HPGDS: variants seen among roughly 807,000 people sequenced by gnomAD.
HPGDS encodes the protein GST class-sigma.
In HPGDS, 26 loss-of-function variants were observed where a neutral mutation model predicts 23.1. The ratio of observed to expected loss-of-function variants is 1.13; its 90% confidence interval spans 0.83 to 1.56. The LOEUF (loss-of-function observed/expected upper bound fraction) is 1.56, where lower values mean the gene tolerates loss of function less well. Among genes scored for constraint, HPGDS ranks in the 40% most tolerant of loss-of-function variants. The probability of loss-of-function intolerance (pLI) is 0.00; values close to 1 mark genes in which losing one functional copy is unlikely to be tolerated. For missense variants in HPGDS, 268 were observed against 236.4 expected, an observed-to-expected ratio of 1.13 and a Z score of -0.88; for synonymous variants, 95 against 77.9, an observed-to-expected ratio of 1.22 and a Z score of -1.16.
At chr4:94,338,253 G>A (rs567916046) in intron 1 of HPGDS, among the ~76,000 whole-genome samples, 7 of 152,004 alleles carry the variant, frequency 4.6e-5, no homozygotes, top group African/African-American at 1.2e-4. Flanking sequence ...GTGAAACCCC[G>A]TCTCTACAAA....
intron 2 of HPGDS, among the ~76,000 whole-genome samples, chr4:94,318,459 T>C (rs1276714273): frequency 6.6e-6 from 1 of 152,212 alleles, no homozygotes; most frequent in Non-Finnish European, 1.5e-5. Context: ...AAATTTTTTA[T>C]TTCTTATTTA....
chr4:94,337,261 G>T (rs1401250671), intron 1 of HPGDS, among the ~76,000 whole-genome samples: 2 of 152,086 alleles, frequency 1.3e-5, no homozygotes, highest in African/African-American at 4.8e-5. Flanking sequence ...GTGAGCCACT[G>T]TGCCCAGCCT....
At chr4:94,340,311 C>CTTTTTCTTTTTTTTTTTTTTTTT (rs1560598005) in intron 1 of HPGDS, among the ~76,000 whole-genome samples, 2 of 23,678 alleles carry the variant, frequency 8.4e-5, no homozygotes, top group African/African-American at 2.9e-4. Flanking sequence ...CTTTCTTTCT[C>CTTTTTCTTTTTTTTTTTTTTTTT]TTTTTTTTTT....
intron 4 of HPGDS, among the ~76,000 whole-genome samples, chr4:94,307,018 G>A (rs992370621): frequency 6.6e-6 from 1 of 152,084 alleles, no homozygotes; most frequent in Middle Eastern, 3.4e-3. Context: ...CTAAGGGCAC[G>A]TGTTTTGTAA....
At chr4:94,339,722 T>C (rs1306930629) in intron 1 of HPGDS, among the ~76,000 whole-genome samples, 1 of 152,142 alleles carries the variant, frequency 6.6e-6, no homozygotes, top group Non-Finnish European at 1.5e-5. Flanking sequence ...TATAGAATGC[T>C]TGTTATGGTT....
At chr4:94,309,635 G>A (rs1296115476) in intron 3 of HPGDS, among the ~76,000 whole-genome samples, 2 of 151,946 alleles carry the variant, frequency 1.3e-5, no homozygotes, top group African/African-American at 2.4e-5. Flanking sequence ...AATCCTTTGG[G>A]TATATACCCA....
At chr4:94,316,937 T>C (rs912121654) in intron 3 of HPGDS, among the ~76,000 whole-genome samples, 5 of 152,276 alleles carry the variant, frequency 3.3e-5, no homozygotes, top group Non-Finnish European at 4.4e-5. Flanking sequence ...TCATTTTCAC[T>C]TTAAAGCCTA....
At chr4:94,313,779 C>T (rs1409761424) in intron 3 of HPGDS, among the ~76,000 whole-genome samples, 1 of 152,202 alleles carries the variant, frequency 6.6e-6, no homozygotes, top group African/African-American at 2.4e-5. Context: ...GTACACCAAT[C>T]AGACGTAGAT....
intron 2 of HPGDS, among the ~76,000 whole-genome samples, chr4:94,326,822 T>TA (rs777559109): frequency 1.3e-5 from 2 of 152,196 alleles, no homozygotes; most frequent in Non-Finnish European, 2.9e-5. Context: ...TCTGGTATAG[T>TA]AGTCGCTCCT....
intron 2 of HPGDS, among the ~76,000 whole-genome samples, chr4:94,323,799 A>T (rs11944796): frequency 0.025 from 3,774 of 152,078 alleles, 106 homozygotes; most frequent in African/African-American, 0.075. Context: ...AATTTGATCC[A>T]GTCATTATAT....
chr4:94,300,750 A>G (rs1756023878), intron 5 of HPGDS, among the ~76,000 whole-genome samples: 1 of 152,100 alleles, frequency 6.6e-6, no homozygotes, highest in African/African-American at 2.4e-5. Flanking sequence ...AAGTCATGTG[A>G]TGGACTATGA....
chr4:94,317,307 G>C (rs891518588), intron 3 of HPGDS, among the ~76,000 whole-genome samples: 1 of 152,138 alleles, frequency 6.6e-6, no homozygotes, highest in Non-Finnish European at 1.5e-5. Context: ...AGTGTGTCAG[G>C]TAAAAACAAG....
intron 2 of HPGDS, among the ~76,000 whole-genome samples, chr4:94,320,197 T>C (rs182496071): frequency 9.8e-5 from 15 of 152,312 alleles, no homozygotes; most frequent in Non-Finnish European, 1.9e-4. Context: ...GTCTTTACTA[T>C]TGTTAATAGT....
chr4:94,337,909 C>A (rs991360983), intron 1 of HPGDS, among the ~76,000 whole-genome samples: 7 of 152,148 alleles, frequency 4.6e-5, no homozygotes, highest in African/African-American at 1.7e-4. Flanking sequence ...TATTTCTCTG[C>A]AAAAATATCT....
rs869240610 is a variant in HPGDS, at chr4:94,340,311, C to CTTTTTTTTTTTTT, written c.-10+2471_-10+2483dup. 1.7e-4 allele frequency among the ~76,000 whole-genome samples: 4 copies of CTTTTTTTTTTTTT among 23,682 alleles called. 1 individual carries two copies. The highest frequency in any genetic ancestry group is 2.8e-3 in the East Asian group (2 of 726). The allele number at this position is 23,682 out of a possible 152,430, so 15.5% of individuals were successfully genotyped here. On this transcript the variant is annotated intron_variant, in intron 1 of 5. Coordinates refer to ENST00000295256, the MANE Select transcript of HPGDS (RefSeq NM_014485.3). ...TTTCTTTCTTTCTTTCTTTCTTTCT[C>CTTTTTTTTTTTTT]TTTTTTTTTTTTTTTTTTTTTTTTT... is the stretch of plus-strand genomic sequence containing the variant.
At chr4:94,340,761 C>T in intron 1 of HPGDS, among the ~76,000 whole-genome samples, 1 of 144,158 alleles carries the variant, frequency 6.9e-6, no homozygotes, top group Admixed American at 7.0e-5. Context: ...CGGGTTCAAG[C>T]GATTCTCCTG....
chr4:94,318,178 A>T (rs1368784256), intron 2 of HPGDS, among the ~76,000 whole-genome samples: 1 of 152,184 alleles, frequency 6.6e-6, no homozygotes, highest in Non-Finnish European at 1.5e-5. Context: ...AAAATTAGTG[A>T]CAGAATTTGT....
chr4:94,309,592 G>A (rs1467102850), intron 3 of HPGDS, among the ~76,000 whole-genome samples: 5 of 151,980 alleles, frequency 3.3e-5, no homozygotes, highest in African/African-American at 9.7e-5. Flanking sequence ...ATAAACATAC[G>A]TGTGCATGTG....
intron 2 of HPGDS, among the ~76,000 whole-genome samples, chr4:94,326,056 T>C (rs972567863): frequency 6.6e-6 from 1 of 152,088 alleles, no homozygotes; most frequent in African/African-American, 2.4e-5. Context: ...AGAAATCTGC[T>C]GTCAGTCTGA....
Sources: gnomAD v4.1 joint callset for allele counts (sites outside exome capture counted in the v4.1 genomes callset) on GRCh38, gnomAD v4.1.1 for gene constraint, MANE v1.5 for transcripts, NCBI Gene and HGNC (gene_info 2026-07-23, HGNC 2026-07-21) for gene names.